CNTN4: variants seen among roughly 807,000 people sequenced by gnomAD.
CNTN4 encodes the protein contactin 4, also known as contactin-4.
A neutral mutation model predicts 122.5 loss-of-function variants in CNTN4; 77 were observed. The observed-to-expected ratio is 0.63, with a 90% confidence interval of 0.52 to 0.76. The LOEUF (loss-of-function observed/expected upper bound fraction) is 0.76. CNTN4 is among the 30% of genes least tolerant of loss of function. The pLI is 0.00. For synonymous variants in CNTN4, 512 were observed against 447.0 expected (o/e 1.15, Z -1.83); for missense variants, 1,256 against 1,259.1 (o/e 1.00, Z 0.04).
intron 2 of CNTN4, among the ~76,000 whole-genome samples, chr3:2,301,601 T>A (rs1346401411): frequency 6.6e-6 from 1 of 152,204 alleles, no homozygotes; most frequent in African/African-American, 2.4e-5. Flanking sequence ...TCCTTTTGAT[T>A]TGTAAGAAAT....
chr3:2,909,313 T>C (rs80108864), intron 12 of CNTN4, among the ~76,000 whole-genome samples: 5,908 of 152,252 alleles, frequency 0.039, 379 homozygotes, highest in African/African-American at 0.13. Flanking sequence ...ATCATATACG[T>C]ACCAGTAGTA....
intron 22 of CNTN4, 49 bp downstream of exon 22, chr3:3,043,212 C>T (rs762759017): frequency 1.3e-6 from 2 of 1,553,444 alleles, no homozygotes; most frequent in Non-Finnish European, 1.8e-6. Context: ...TCACACATAT[C>T]CCAAGTTTAT....
chr3:2,814,864 G>T (rs1259207967), intron 6 of CNTN4, among the ~76,000 whole-genome samples: 1 of 152,196 alleles, frequency 6.6e-6, no homozygotes, highest in Non-Finnish European at 1.5e-5. Context: ...GGAATTCAAT[G>T]AGATCAAATA....
chr3:3,038,383 C>A (rs917615586), intron 18 of CNTN4, among the ~76,000 whole-genome samples: 1 of 152,146 alleles, frequency 6.6e-6, no homozygotes, highest in African/African-American at 2.4e-5. Flanking sequence ...ACACTCAGAT[C>A]AAAACTCTTC....
intron 3 of CNTN4, among the ~76,000 whole-genome samples, chr3:2,407,265 G>C (rs1482840965): frequency 6.6e-6 from 1 of 152,104 alleles, no homozygotes; most frequent in East Asian, 1.9e-4. Context: ...TATTTAGCTT[G>C]AAACAGAGGG....
chr3:2,728,649 C>T (rs2088416283), intron 4 of CNTN4, among the ~76,000 whole-genome samples: 1 of 152,250 alleles, frequency 6.6e-6, no homozygotes, highest in South Asian at 2.1e-4. Flanking sequence ...GGCAAAGCCA[C>T]TCTGGTTTGC....
At chr3:2,594,957 C>A (rs74360959) in intron 4 of CNTN4, among the ~76,000 whole-genome samples, 3,021 of 152,268 alleles carry the variant, frequency 0.02, 180 homozygotes, top group East Asian at 0.17. Flanking sequence ...AAAGTCATCA[C>A]CTTTTAAAAG....
intron 4 of CNTN4, among the ~76,000 whole-genome samples, chr3:2,735,212 T>G (rs1246971143): frequency 6.6e-6 from 1 of 152,162 alleles, no homozygotes; most frequent in African/African-American, 2.4e-5. Context: ...AAGAAAAAGG[T>G]TGAGGGTCTA....
intron 2 of CNTN4, among the ~76,000 whole-genome samples, chr3:2,226,138 T>G (rs1027370912): frequency 2.0e-5 from 3 of 152,176 alleles, no homozygotes; most frequent in Non-Finnish European, 4.4e-5. Context: ...TTTTGCTTTT[T>G]TTTTACATAT....
chr3:2,864,634 G>T (rs949481809), intron 7 of CNTN4, among the ~76,000 whole-genome samples: 1 of 150,198 alleles, frequency 6.7e-6, no homozygotes, highest in Non-Finnish European at 1.5e-5. Flanking sequence ...AGCTACTTGG[G>T]AGGCTGAGAC....
intron 3 of CNTN4, among the ~76,000 whole-genome samples, chr3:2,378,462 C>G (rs1460676178): frequency 6.6e-6 from 1 of 152,180 alleles, no homozygotes; most frequent in East Asian, 1.9e-4. Context: ...GGAATATAGT[C>G]CAGCTTAGTG....
At chr3:2,936,033 C>T (rs2094564872) in intron 13 of CNTN4, among the ~76,000 whole-genome samples, 1 of 152,148 alleles carries the variant, frequency 6.6e-6, no homozygotes, top group Non-Finnish European at 1.5e-5. Context: ...TCTCAGAATC[C>T]AGTTGAGAAA....
Position 2,887,172 on chromosome 3 carries a change from A to G in CNTN4, c.888A>G (p.Val296=). 1 of 1,614,098 alleles carries G rather than the reference A, an allele frequency of 6.2e-7. No homozygotes were observed. The highest frequency in any genetic ancestry group is 1.1e-5 in the South Asian group (1 of 91,086). ...QQEDAGLYEC[V]AENSRGKNVA... ...AGGATGCTGGTTTATATGAATGTGT[A>G]GCTGAAAATTCCAGAGGGAAAAATG... Residue 296 remains valine, a synonymous_variant, in exon 10 of 25, where the codon GTA becomes GTG. Coordinates refer to ENST00000418658, the MANE Select transcript of CNTN4 (RefSeq NM_175607.3).
intron 2 of CNTN4, chr3:2,238,936 A>G (rs374655015): frequency 2.6e-4 from 34 of 131,838 alleles, no homozygotes; most frequent in East Asian, 1.2e-3. Flanking sequence ...CGTGTTAGCC[A>G]GGATGGTCTC....
chr3:2,558,582 C>T (rs893813190), intron 3 of CNTN4, among the ~76,000 whole-genome samples: 1 of 152,126 alleles, frequency 6.6e-6, no homozygotes, highest in Non-Finnish European at 1.5e-5. Context: ...TATGTCTTAT[C>T]ACTAGTGATA....
In CNTN4 at chr3:2,674,262, A is replaced by G. The variant is rs558987711; in HGVS notation, c.56-61953A>G. ...CTGATTTCATAAATCTGAATTCCTC[A>G]TCACGTTTTTTTTTATATTTTTTAA... On this transcript the variant is annotated intron_variant, in intron 4 of 24. Coordinates refer to ENST00000418658, the MANE Select transcript of CNTN4 (RefSeq NM_175607.3). 2.0e-5 allele frequency among the ~76,000 whole-genome samples: 3 copies of G among 152,136 alleles called. No homozygotes were observed. In the South Asian group the frequency reaches 6.2e-4, roughly 32 times the overall value.
At chr3:2,235,480 T>C (rs1311345755) in intron 2 of CNTN4, among the ~76,000 whole-genome samples, 1 of 152,164 alleles carries the variant, frequency 6.6e-6, no homozygotes, top group Admixed American at 6.5e-5. Context: ...CCTCCCCTTT[T>C]TCTAATAATT....
At chr3:2,215,928 A>G (rs943198903) in intron 2 of CNTN4, among the ~76,000 whole-genome samples, 3 of 149,062 alleles carry the variant, frequency 2.0e-5, no homozygotes, top group Admixed American at 6.7e-5. Flanking sequence ...AAACTTCTAC[A>G]CTTTTGGTGG....
intron 3 of CNTN4, among the ~76,000 whole-genome samples, chr3:2,452,282 A>G (rs1364422224): frequency 6.6e-6 from 1 of 152,150 alleles, no homozygotes; most frequent in Non-Finnish European, 1.5e-5. Flanking sequence ...TCTGCATCCC[A>G]TCTGAGCCCC....
Sources: gnomAD v4.1 joint callset for allele counts (sites outside exome capture counted in the v4.1 genomes callset) on GRCh38, gnomAD v4.1.1 for gene constraint, MANE v1.5 for transcripts, NCBI Gene and HGNC (gene_info 2026-07-23, HGNC 2026-07-21) for gene names.